WWC2: variants seen among roughly 807,000 people sequenced by gnomAD.
The protein encoded by WWC2 is protein WWC2.
WWC2 carries 101 observed loss-of-function variants against 138.5 expected under a neutral mutation model. The observed-to-expected ratio is 0.73, with a 90% confidence interval of 0.62 to 0.86. WWC2 has a LOEUF of 0.86. Ranked by LOEUF, WWC2 falls within the 40% of genes least tolerant of loss-of-function variation. The probability of loss-of-function intolerance (pLI) is 0.00; values close to 1 mark genes in which losing one functional copy is unlikely to be tolerated. For missense variants in WWC2, 1,420 were observed against 1,419.4 expected (o/e 1.00, Z -0.01); for synonymous variants, 558 against 538.4 (o/e 1.04, Z -0.50).
intron 2 of WWC2, among the ~76,000 whole-genome samples, chr4:183,196,669 T>TAGG (rs1238107789): frequency 6.6e-5 from 10 of 152,192 alleles, no homozygotes; most frequent in African/African-American, 2.4e-4. Context: ...TGGAGGCCTT[T>TAGG]AGGAGGACCC....
chr4:183,192,956 C>T (rs755456318), intron 1 of WWC2, among the ~76,000 whole-genome samples: 1 of 151,986 alleles, frequency 6.6e-6, no homozygotes, highest in Non-Finnish European at 1.5e-5. Flanking sequence ...ACAGAGAAAG[C>T]GTCTTAAAGA....
chr4:183,298,962 A>G (rs891578961), intron 21 of WWC2, among the ~76,000 whole-genome samples: 1 of 152,178 alleles, frequency 6.6e-6, no homozygotes, highest in Admixed American at 6.5e-5. Flanking sequence ...CAGGTTATGC[A>G]GAGCAGATTT....
At position 183,259,091 on chromosome 4, in the gene WWC2, G is replaced by A. The variant is rs145305013; in HGVS notation, c.1197-548G>A. ...TTTAGGTCATCCTCTTCCCTAAACA[G>A]TTGAGCCCAAATTAGCCCACAATGG... On this transcript the variant is annotated intron_variant, in intron 9 of 22. Coordinates refer to ENST00000403733, the MANE Select transcript of WWC2 (RefSeq NM_024949.6). Among the ~76,000 whole-genome samples the A allele has an allele frequency of 2.7e-3, 410 of 152,284 alleles. 1 individual carries two copies. The highest frequency in any genetic ancestry group is 9.5e-3 in the African/African-American group (393 of 41,558).
intron 1 of WWC2, among the ~76,000 whole-genome samples, chr4:183,175,612 G>A (rs1002343431): frequency 2.6e-5 from 4 of 152,140 alleles, no homozygotes; most frequent in African/African-American, 7.2e-5. Context: ...CGATCCCATC[G>A]TGGTAAACAT....
intron 12 of WWC2, 46 bp downstream of exon 12, chr4:183,265,153 G>A (rs774882286): frequency 9.5e-6 from 15 of 1,572,244 alleles, no homozygotes; most frequent in Non-Finnish European, 1.2e-5. Context: ...AATCTCCATC[G>A]CCGTGGATGT....
At chr4:183,156,419 C>T (rs181736075) in intron 1 of WWC2, among the ~76,000 whole-genome samples, 51 of 151,600 alleles carry the variant, frequency 3.4e-4, no homozygotes, top group South Asian at 1.7e-3. Context: ...GCAGCCTCCA[C>T]TTCCTGGGTT....
intron 18 of WWC2, 123 bp downstream of exon 18, chr4:183,283,029 G>T: frequency 1.0e-6 from 1 of 996,178 alleles, no homozygotes; most frequent in Non-Finnish European, 1.4e-6. Flanking sequence ...AAAGCTGATC[G>T]TGAAAGGCAT....
At chr4:183,193,479 G>GTT (rs970794787) in intron 1 of WWC2, 120 bp from the exon 2 acceptor site, 222 of 676,930 alleles carry the variant, frequency 3.3e-4, no homozygotes, top group East Asian at 6.1e-4. Context: ...TTTATCCTTG[G>GTT]TTTTTTTTTT....
Position 183,157,792 on chromosome 4 carries a change from C to T in WWC2, c.132-35807C>T, listed in dbSNP as rs373339290. ...CTGGAATTACAGACGTGAGCCACCG[C>T]GCCCAACTGTGTCACTTAATTTTTT... On this transcript the variant is annotated intron_variant, in intron 1 of 22. Coordinates refer to ENST00000403733, the MANE Select transcript of WWC2 (RefSeq NM_024949.6). Among the ~76,000 whole-genome samples the T allele has an allele frequency of 1.4e-3, 211 of 147,956 alleles. 1 individual carries two copies. Among genetic ancestry groups the T allele is most frequent in the African/African-American group, 5.1e-3 (202 of 39,852 alleles).
chr4:183,101,357 A>G (rs1158635006), intron 1 of WWC2, among the ~76,000 whole-genome samples: 1 of 152,202 alleles, frequency 6.6e-6, no homozygotes, highest in East Asian at 1.9e-4. Context: ...CATGTCCTTT[A>G]TTTTAAACTC....
chr4:183,283,184 A>G (rs1013902539), intron 18 of WWC2, among the ~76,000 whole-genome samples: 4 of 152,282 alleles, frequency 2.6e-5, no homozygotes, highest in Non-Finnish European at 4.4e-5. Flanking sequence ...GTGAATATTA[A>G]AAGTATTTTC....
intron 21 of WWC2, among the ~76,000 whole-genome samples, chr4:183,290,081 A>G (rs1412883663): frequency 1.3e-5 from 2 of 152,198 alleles, no homozygotes; most frequent in Admixed American, 1.3e-4. Context: ...ATTGTGAAAT[A>G]CATTGCTAAT....
At chr4:183,148,935 T>A (rs1417574998) in intron 1 of WWC2, among the ~76,000 whole-genome samples, 2 of 150,952 alleles carry the variant, frequency 1.3e-5, no homozygotes, top group Non-Finnish European at 1.5e-5. Flanking sequence ...AAATCCAAAT[T>A]TTTTTTTTTT....
intron 1 of WWC2, among the ~76,000 whole-genome samples, chr4:183,139,891 C>T (rs1015745198): frequency 6.6e-6 from 1 of 152,190 alleles, no homozygotes; most frequent in Non-Finnish European, 1.5e-5. Context: ...CAGCTCACTG[C>T]AACCTCCATC....
rs796080072 is a variant in WWC2 at position 183,120,848 on chromosome 4, A to G, written c.131+21226A>G. Reference sequence around the variant, plus strand: ...CATGGCTGACTGACCTCCTGGGCTCAGGCAGTTCTCCTGCATTGGCCTCCC... The same window carrying G: ...CATGGCTGACTGACCTCCTGGGCTCGGGCAGTTCTCCTGCATTGGCCTCCC... On this transcript the variant is annotated intron_variant, in intron 1 of 22. Coordinates refer to ENST00000403733, the MANE Select transcript of WWC2 (RefSeq NM_024949.6). Among the ~76,000 whole-genome samples the G allele has an allele frequency of 8.5e-5, 13 of 152,306 alleles. 1 individual carries two copies. Among genetic ancestry groups the G allele is most frequent in the African/African-American group, 2.9e-4 (12 of 41,566 alleles).
intron 1 of WWC2, among the ~76,000 whole-genome samples, chr4:183,180,395 T>G (rs2111182664): frequency 6.6e-6 from 1 of 152,316 alleles, no homozygotes; most frequent in East Asian, 1.9e-4. Flanking sequence ...CGTTTCTTTC[T>G]TCTTAGATGT....
intron 1 of WWC2, among the ~76,000 whole-genome samples, chr4:183,130,167 C>T (rs1273455703): frequency 6.6e-6 from 1 of 151,940 alleles, no homozygotes; most frequent in Non-Finnish European, 1.5e-5. Flanking sequence ...ATTCTCCTGC[C>T]TCAGCCTTCC....
intron 1 of WWC2, among the ~76,000 whole-genome samples, chr4:183,113,979 C>T (rs1298815379): frequency 5.3e-5 from 8 of 151,874 alleles, no homozygotes; most frequent in South Asian, 4.2e-4. Flanking sequence ...AGGGAAAGAC[C>T]GAGGGAGAAT....
At chr4:183,255,900 G>A (rs1737120873) in intron 9 of WWC2, among the ~76,000 whole-genome samples, 1 of 135,798 alleles carries the variant, frequency 7.4e-6, no homozygotes. Flanking sequence ...TTAACGAACA[G>A]CCCAAACCTC....
Sources: allele counts gnomAD v4.1 joint callset (sites outside exome capture counted in the v4.1 genomes callset), GRCh38; gene constraint gnomAD v4.1.1; transcripts MANE v1.5; gene names NCBI Gene and HGNC (gene_info 2026-07-23, HGNC 2026-07-21).